SPAST: variants seen among roughly 807,000 people sequenced by gnomAD.
SPAST encodes spastin, also known as spastic paraplegia 4 (autosomal dominant; spastin).
In SPAST, 30 loss-of-function variants were observed where a neutral mutation model predicts 76.6. The observed-to-expected ratio is 0.39, with a 90% CI of 0.29 to 0.53. SPAST has a LOEUF of 0.53. SPAST is among the 20% of genes least tolerant of loss of function. The pLI is 0.68. For synonymous variants in SPAST, 305 were observed against 281.0 expected, an observed-to-expected ratio of 1.09 and a Z score of -0.86; for missense variants, 717 against 770.5, an observed-to-expected ratio of 0.93 and a Z score of 0.82.
intron 1 of SPAST, among the ~76,000 whole-genome samples, chr2:32,086,761 A>G (rs1417042522): frequency 6.6e-6 from 1 of 152,152 alleles, no homozygotes; most frequent in African/African-American, 2.4e-5. Context: ...CTGTCTCAAA[A>G]AAAAAAGAAA....
chr2:32,096,352 T>C (rs997749146), intron 3 of SPAST, among the ~76,000 whole-genome samples: 1 of 152,204 alleles, frequency 6.6e-6, no homozygotes, highest in South Asian at 2.1e-4. Flanking sequence ...GGAGACTCTC[T>C]TGAACCCATA....
intron 1 of SPAST, among the ~76,000 whole-genome samples, chr2:32,086,758 A>G (rs186961572): frequency 1.0e-3 from 145 of 145,256 alleles, no homozygotes; most frequent in African/African-American, 3.7e-3. Context: ...ACTCTGTCTC[A>G]AAAAAAAAAG....
chr2:32,078,126 G>A (rs1677039893), intron 1 of SPAST, among the ~76,000 whole-genome samples: 1 of 151,536 alleles, frequency 6.6e-6, no homozygotes, highest in African/African-American at 2.4e-5. Flanking sequence ...AAGTAGCTGG[G>A]ACTACAGGCG....
rs114862461 is a variant in SPAST, at chr2:32,136,017, A to G, written c.1246-546A>G. Among the ~76,000 whole-genome samples, 393 of 151,514 alleles carry G rather than the reference A, an allele frequency of 2.6e-3. 1 individual carries two copies. Among genetic ancestry groups the G allele is most frequent in the Non-Finnish European group, 4.2e-3 (282 of 67,840 alleles). On this transcript the variant is annotated intron_variant, in intron 9 of 16. Transcript: ENST00000315285. The stretch of plus-strand genomic sequence containing the variant: ...CACTTGAACCCAGGAGGCAAAAGTC[A>G]CAGTGAGCCGAGATTGCACCACTGC...
chr2:32,131,107 T>C (rs1679356513), intron 9 of SPAST, among the ~76,000 whole-genome samples: 1 of 152,246 alleles, frequency 6.6e-6, no homozygotes, highest in Non-Finnish European at 1.5e-5. Flanking sequence ...TTTTGAAGTC[T>C]GTTTGCTAAG....
intron 15 of SPAST, 150 bp downstream of exon 15, chr2:32,145,157 T>C (rs758980994): frequency 8.1e-6 from 5 of 617,762 alleles, no homozygotes; most frequent in Non-Finnish European, 1.5e-5. Context: ...AGTGGCACAA[T>C]CATAGTTCAC....
At chr2:32,141,313 A>C (rs1240172435) in intron 12 of SPAST, among the ~76,000 whole-genome samples, 1 of 152,108 alleles carries the variant, frequency 6.6e-6, no homozygotes, top group South Asian at 2.1e-4. Context: ...TGCCATTCCT[A>C]TGCTATCAAT....
intron 1 of SPAST, among the ~76,000 whole-genome samples, chr2:32,072,864 A>T (rs958301372): frequency 6.6e-6 from 1 of 152,200 alleles, no homozygotes; most frequent in Non-Finnish European, 1.5e-5. Flanking sequence ...GGGCCTAATG[A>T]TTCTACTTTG....
intron 7 of SPAST, among the ~76,000 whole-genome samples, chr2:32,117,641 C>G (rs1196401294): frequency 6.7e-6 from 1 of 149,964 alleles, no homozygotes; most frequent in African/African-American, 2.5e-5. Flanking sequence ...AAGTGATTCT[C>G]ATGCCTCATC....
At chr2:32,097,083 T>A (rs1677943752) in intron 3 of SPAST, among the ~76,000 whole-genome samples, 1 of 152,222 alleles carries the variant, frequency 6.6e-6, no homozygotes, top group African/African-American at 2.4e-5. Context: ...ATATAGGTGC[T>A]GCATTTTTTA....
intron 7 of SPAST, among the ~76,000 whole-genome samples, chr2:32,123,324 C>T (rs2148741255): frequency 6.6e-6 from 1 of 151,034 alleles, no homozygotes; most frequent in South Asian, 2.1e-4. Context: ...GTAGTTCTAA[C>T]AAAGTTTGTT....
chr2:32,064,191 C>G lies in SPAST; in HGVS notation c.360C>G (p.His120Gln). 6.5e-7 allele frequency: 1 copy of G among 1,548,142 alleles called. No homozygotes were observed. Reference sequence around the variant, plus strand: ...AGGCCGAGCGCGTCCGAGTCTTCCACAAACAGGCCTTCGAGTACATCTCCA... The same window carrying G: ...AGGCCGAGCGCGTCCGAGTCTTCCAGAAACAGGCCTTCGAGTACATCTCCA... Reference protein sequence around the residue: ...GGEAERVRVFHKQAFEYISIA... With the variant: ...GGEAERVRVFQKQAFEYISIA... Residue 120 changes from histidine (H) to glutamine (Q), a missense_variant, in exon 1 of 17, where the codon CAC becomes CAG. Coordinates refer to ENST00000315285, the MANE Select transcript of SPAST (RefSeq NM_014946.4).
chr2:32,144,760 A>T (rs1227293328), intron 14 of SPAST, among the ~76,000 whole-genome samples, 177 bp from the exon 15 acceptor site: 1 of 152,098 alleles, frequency 6.6e-6, no homozygotes, highest in African/African-American at 2.4e-5. Flanking sequence ...GCGGTGGCGC[A>T]TGCCTATAAT....
chr2:32,097,062 A>G (rs1161473792), intron 3 of SPAST, among the ~76,000 whole-genome samples: 1 of 152,240 alleles, frequency 6.6e-6, no homozygotes, highest in Non-Finnish European at 1.5e-5. Context: ...TGAAAGTTTA[A>G]GAGAGTTAAT....
chr2:32,120,227 T>A (rs909811173), intron 7 of SPAST, among the ~76,000 whole-genome samples: 9 of 152,102 alleles, frequency 5.9e-5, no homozygotes, highest in African/African-American at 2.2e-4. Context: ...CTTTAAATAA[T>A]CTTATAAAGC....
chr2:32,153,812 C>T (rs989630216), intron 16 of SPAST, among the ~76,000 whole-genome samples: 5 of 152,024 alleles, frequency 3.3e-5, no homozygotes, highest in Non-Finnish European at 7.4e-5. Flanking sequence ...CAAAGTGGCT[C>T]ACGTCTGTAA....
intron 2 of SPAST, among the ~76,000 whole-genome samples, chr2:32,089,002 A>T (rs1677603291): frequency 6.6e-6 from 1 of 152,164 alleles, no homozygotes; most frequent in Non-Finnish European, 1.5e-5. Flanking sequence ...CCTGAAATCT[A>T]TGAAATACCA....
chr2:32,131,690 T>TC (rs1679373225), intron 9 of SPAST, among the ~76,000 whole-genome samples: 1 of 148,580 alleles, frequency 6.7e-6, no homozygotes, highest in Non-Finnish European at 1.5e-5. Flanking sequence ...TTTTTTTTTT[T>TC]TTGAGATGGA....
Position 32,075,859 on chromosome 2 carries a change from CT to C in SPAST, c.416-11617del, listed in dbSNP as rs56708982. Among the ~76,000 whole-genome samples the C allele has an allele frequency of 5.1e-3, 418 of 82,370 alleles. 2 individuals carry two copies. Among genetic ancestry groups the C allele is most frequent in the African/African-American group, 0.013 (267 of 20,808 alleles). The allele number at this position is 82,370 out of a possible 152,430, so 54.0% of individuals were successfully genotyped here. ...GTGAGCCCTGCTCCCAGACTCCTGG[CT>C]TTTTTTTTTTTTTTTAATGAAAAAT... is the stretch of plus-strand genomic sequence containing the variant. On this transcript the variant is annotated intron_variant, in intron 1 of 16. Coordinates refer to ENST00000315285, the MANE Select transcript of SPAST (RefSeq NM_014946.4).
Sources: allele counts gnomAD v4.1 joint callset (sites outside exome capture counted in the v4.1 genomes callset), GRCh38; gene constraint gnomAD v4.1.1; transcripts MANE v1.5; gene names NCBI Gene and HGNC (gene_info 2026-07-23, HGNC 2026-07-21).